The following LARS2 variants were observed in gnomAD, a reference collection of about 807,000 sequenced individuals.
The protein encoded by LARS2 is leucine--tRNA ligase, mitochondrial.
LARS2 carries 81 observed loss-of-function variants against 116.6 expected under a neutral mutation model. The observed-to-expected ratio is 0.69, with a 90% CI of 0.58 to 0.84. The LOEUF (loss-of-function observed/expected upper bound fraction) is 0.84, where lower values mean the gene tolerates loss of function less well. Among genes scored for constraint, LARS2 ranks in the 40% least tolerant of loss-of-function variants. The pLI is 0.00. For synonymous variants in LARS2, 396 were observed against 407.2 expected, an observed-to-expected ratio of 0.97 and a Z score of 0.33; for missense variants, 968 against 1,114.5, an observed-to-expected ratio of 0.87 and a Z score of 1.87.
intron 15 of LARS2, 142 bp downstream of exon 15, chr3:45,500,721 C>A: frequency 1.6e-6 from 1 of 606,892 alleles, no homozygotes; most frequent in Non-Finnish European, 2.7e-6. Context: ...CAACCTTAAT[C>A]ATTTGAGGTC....
At chr3:45,520,632 G>C (rs1036648589) in intron 19 of LARS2, among the ~76,000 whole-genome samples, 22 of 152,232 alleles carry the variant, frequency 1.4e-4, no homozygotes, top group African/African-American at 5.3e-4. Context: ...CACCCCCGCT[G>C]TCTGATTTCA....
intron 7 of LARS2, among the ~76,000 whole-genome samples, chr3:45,455,603 A>G (rs1010852593): frequency 1.3e-5 from 2 of 152,122 alleles, no homozygotes; most frequent in South Asian, 2.1e-4. Context: ...AGAAAATGAA[A>G]AATGGAACTA....
intron 1 of LARS2, among the ~76,000 whole-genome samples, chr3:45,390,378 C>A (rs1697918438): frequency 6.7e-6 from 1 of 149,770 alleles, no homozygotes; most frequent in African/African-American, 2.5e-5. Context: ...AGTGGTGCAG[C>A]CTCTGCTCAC....
chr3:45,541,697 C>A, intron 20 of LARS2, 132 bp from the exon 21 acceptor site: 1 of 1,151,602 alleles, frequency 8.7e-7, no homozygotes. Context: ...ACCCAGCAGC[C>A]ATGGTCTGGC....
intron 8 of LARS2, among the ~76,000 whole-genome samples, chr3:45,470,501 C>T (rs1215671590): frequency 1.3e-5 from 2 of 152,056 alleles, no homozygotes; most frequent in Admixed American, 1.3e-4. Context: ...GATGGTGTAC[C>T]CTAGAGTGAC....
intron 10 of LARS2, among the ~76,000 whole-genome samples, chr3:45,480,508 G>A (rs1699681544): frequency 6.6e-6 from 1 of 152,202 alleles, no homozygotes; most frequent in South Asian, 2.1e-4. Context: ...TTACTAAAGT[G>A]TTTTGCTGTT....
chr3:45,417,429 C>T lies in LARS2; in HGVS notation c.364-53C>T, dbSNP rs1553628103. On this transcript the variant is annotated intron_variant, in intron 4 of 21. Transcript: ENST00000645846. ...CTGAGTTTGCCCCAGAAGACAATAC[C>T]AATGGAGTTATTAATGATTTGCCAT... 3.0e-6 allele frequency: 4 copies of T among 1,324,826 alleles called. No individual in the cohort carries two copies. The South Asian group carries it at 4.7e-5, about 16-fold the overall frequency. 82.1% of individuals were successfully genotyped at this position (1,324,826 alleles called of 1,614,324 possible). A position where few individuals can be genotyped will look rare whatever the true frequency, so the allele number is the denominator to read the frequency against.
intron 1 of LARS2, among the ~76,000 whole-genome samples, chr3:45,390,322 A>AT (rs1009683478): frequency 9.4e-5 from 14 of 149,290 alleles, no homozygotes; most frequent in Middle Eastern, 3.2e-3. Flanking sequence ...TTATTTATTT[A>AT]TTTTTTTTGA....
intron 15 of LARS2, among the ~76,000 whole-genome samples, chr3:45,504,105 C>T (rs1700163515): frequency 1.3e-5 from 2 of 151,894 alleles, no homozygotes; most frequent in African/African-American, 4.8e-5. Flanking sequence ...CATAGTATTC[C>T]CTCATATGGA....
At chr3:45,457,024 A>T (rs1699224655) in intron 7 of LARS2, among the ~76,000 whole-genome samples, 1 of 152,258 alleles carries the variant, frequency 6.6e-6, no homozygotes, top group African/African-American at 2.4e-5. Context: ...GAGTTCAGGG[A>T]AACTCAGAAG....
intron 10 of LARS2, among the ~76,000 whole-genome samples, chr3:45,479,828 A>C (rs1454593825): frequency 6.6e-6 from 1 of 152,154 alleles, no homozygotes; most frequent in African/African-American, 2.4e-5. Context: ...TAATATTAAA[A>C]TATTCAAACC....
intron 14 of LARS2, among the ~76,000 whole-genome samples, chr3:45,498,224 C>G (rs1380204623): frequency 6.6e-6 from 1 of 152,216 alleles, no homozygotes; most frequent in African/African-American, 2.4e-5. Flanking sequence ...GTCACAGCCC[C>G]CAGTTTGTGA....
intron 2 of LARS2, 27 bp from the exon 3 acceptor site, chr3:45,394,406 T>G (rs1575225934): frequency 7.4e-7 from 1 of 1,359,068 alleles, no homozygotes; most frequent in East Asian, 2.3e-5. Context: ...AGGCAGCTCA[T>G]AGTGTGCTTT....
Position 45,476,435 on chromosome 3 carries a change from A to G in LARS2, c.859-33A>G, listed in dbSNP as rs371512095. 4.3e-6 allele frequency: 7 copies of G among 1,612,818 alleles called. No individual in the cohort carries two copies. The African/African-American group carries it at 9.3e-5, about 21-fold the overall frequency. On this transcript the variant is annotated intron_variant, in intron 9 of 21. Coordinates refer to ENST00000645846, the MANE Select transcript of LARS2 (RefSeq NM_015340.4). Reference sequence around the variant, plus strand: ...GCAACACAGCCCAAAGGGAGGACTGAGAAATGACATCACTCTTCTTTCCTA... The same window carrying G: ...GCAACACAGCCCAAAGGGAGGACTGGGAAATGACATCACTCTTCTTTCCTA...
At position 45,513,211 on chromosome 3, in the gene LARS2, C is replaced by CAG. The variant is rs1263629328; in HGVS notation, c.1844_1845dup (p.Glu616ArgfsTer19). 1.2e-6 allele frequency: 2 copies of CAG among 1,612,178 alleles called. No individual in the cohort carries two copies. Among genetic ancestry groups the CAG allele is most frequent in the Non-Finnish European group, 1.7e-6 (2 of 1,178,174 alleles). ...CCGCCTACCATCTGGACAGTATCTACAGAGAGAGGAAGTGGATCTCACAGG... is the reference window on the plus strand; with the variant it reads ...CCGCCTACCATCTGGACAGTATCTACAGAGAGAGAGGAAGTGGATCTCACAGG... On this transcript the variant is annotated frameshift_variant, in exon 16 of 22. Coordinates refer to ENST00000645846, the MANE Select transcript of LARS2 (RefSeq NM_015340.4). LOFTEE classifies it high-confidence loss of function.
At chr3:45,410,391 T>G (rs1409128518) in intron 4 of LARS2, among the ~76,000 whole-genome samples, 1 of 151,906 alleles carries the variant, frequency 6.6e-6, no homozygotes, top group Middle Eastern at 3.2e-3. Context: ...CAGAAGAATG[T>G]TTGTCATCTA....
At chr3:45,475,423 A>C (rs1352372207) in intron 9 of LARS2, among the ~76,000 whole-genome samples, 1 of 152,222 alleles carries the variant, frequency 6.6e-6, no homozygotes, top group Non-Finnish European at 1.5e-5. Context: ...CTTTCCCAAG[A>C]AGGTGGCGAG....
intron 4 of LARS2, among the ~76,000 whole-genome samples, chr3:45,403,613 C>T (rs1698189829): frequency 1.3e-5 from 2 of 152,152 alleles, no homozygotes; most frequent in Admixed American, 6.6e-5. Flanking sequence ...TGATAGGGTG[C>T]AGGGAAGCCT....
Position 45,491,603 on chromosome 3 carries a change from TA to T in LARS2, c.1329del (p.Lys443AsnfsTer2), listed in dbSNP as rs769465697. ...GAGTGGGTGGAGACGTGACAAGTGA[TA>T]AACTGAAAGACTGGCTGATTTCACG... ...KRVGGDVTSD[K>X]LKDWLISRQR... On this transcript the variant is annotated frameshift_variant, in exon 13 of 22. Transcript: ENST00000645846. LOFTEE classifies it high-confidence loss of function. The T allele has an allele frequency of 1.4e-5, 23 of 1,614,200 alleles. No homozygotes were observed. Among genetic ancestry groups the T allele is most frequent in the Non-Finnish European group, 1.9e-5 (23 of 1,180,030 alleles).
Sources: allele counts gnomAD v4.1 joint callset (sites outside exome capture counted in the v4.1 genomes callset), GRCh38; gene constraint gnomAD v4.1.1; transcripts MANE v1.5; gene names NCBI Gene and HGNC (gene_info 2026-07-23, HGNC 2026-07-21).